The following RABGAP1 variants were observed in gnomAD, a reference collection of about 807,000 sequenced individuals.
The protein encoded by RABGAP1 is RAB GTPase activating protein 1, also known as rab GTPase-activating protein 1.
In RABGAP1, 23 loss-of-function variants were observed where a neutral mutation model predicts 137.6. The ratio of observed to expected loss-of-function variants is 0.17; its 90% CI spans 0.12 to 0.24. The LOEUF is 0.24. Ranked by LOEUF, RABGAP1 falls within the 10% of genes least tolerant of loss-of-function variation. The pLI is 1.00. For missense variants in RABGAP1, 906 were observed against 1,275.8 expected (o/e 0.71, Z 4.42); for synonymous variants, 451 against 450.7 (o/e 1.00, Z -0.01).
chr9:123,094,944 T>TAGAG (rs2035136048), intron 21 of RABGAP1, among the ~76,000 whole-genome samples: 2 of 152,200 alleles, frequency 1.3e-5, no homozygotes, highest in African/African-American at 4.8e-5. Flanking sequence ...ATAAGATATG[T>TAGAG]AGAGATGTTT....
intron 13 of RABGAP1, among the ~76,000 whole-genome samples, chr9:123,059,716 C>T (rs1338493403): frequency 2.0e-5 from 3 of 152,070 alleles, no homozygotes; most frequent in African/African-American, 7.2e-5. Context: ...CTGCCCTGCC[C>T]CATATGAGAA....
At chr9:123,097,679 T>C in intron 21 of RABGAP1, 62 bp from the exon 22 acceptor site, 1 of 1,363,906 alleles carries the variant, frequency 7.3e-7, no homozygotes, top group Admixed American at 2.1e-5. Context: ...TTATGCTAAG[T>C]AATGGAAATC....
At chr9:123,060,386 G>A (rs1193287176) in intron 13 of RABGAP1, among the ~76,000 whole-genome samples, 2 of 152,144 alleles carry the variant, frequency 1.3e-5, no homozygotes, top group Admixed American at 1.3e-4. Flanking sequence ...GTTGTTTCAT[G>A]TATTAGAGGT....
chr9:123,001,931 A>G (rs1442800744), intron 10 of RABGAP1, among the ~76,000 whole-genome samples: 1 of 152,220 alleles, frequency 6.6e-6, no homozygotes, highest in East Asian at 1.9e-4. Context: ...GATTATTTAG[A>G]TGGAGGGTGA....
intron 11 of RABGAP1, among the ~76,000 whole-genome samples, chr9:123,012,230 G>T (rs2030869421): frequency 6.6e-6 from 1 of 152,232 alleles, no homozygotes. Flanking sequence ...GGGAAAGGTG[G>T]ATTGTTCCCA....
Position 123,101,727 on chromosome 9 carries a change from C to G in RABGAP1, c.3051C>G (p.Thr1017=). 6.2e-7 allele frequency: 1 copy of G among 1,612,020 alleles called. No homozygotes were observed. The highest frequency in any genetic ancestry group is 1.1e-5 in the South Asian group (1 of 90,572). ...AAATGGAGCTAGAACTGGCACAGACCAAACTCCAGCTGGTGGAGGCCGAGT... is the reference window on the plus strand; with the variant it reads ...AAATGGAGCTAGAACTGGCACAGACGAAACTCCAGCTGGTGGAGGCCGAGT... ...LREMELELAQ[T]KLQLVEAECK... The change falls in exon 25 of 26, where the codon ACC becomes ACG. Residue 1017 remains threonine (T), a synonymous_variant. Coordinates refer to ENST00000373647, the MANE Select transcript of RABGAP1 (RefSeq NM_012197.4).
chr9:122,943,225 G>A (rs937529303), intron 1 of RABGAP1, among the ~76,000 whole-genome samples: 2 of 151,738 alleles, frequency 1.3e-5, no homozygotes, highest in Non-Finnish European at 2.9e-5. Flanking sequence ...GTGCCACCAC[G>A]CCTAGCTAAT....
chr9:122,970,983 C>T (rs1162693043), intron 2 of RABGAP1, among the ~76,000 whole-genome samples: 1 of 152,142 alleles, frequency 6.6e-6, no homozygotes, highest in Admixed American at 6.5e-5. Context: ...TATGGGCTGA[C>T]ATTTGGTCTG....
rs1216203882 is a variant in RABGAP1, at chr9:123,089,893, T to A, written c.2517+43T>A. The A allele has an allele frequency of 5.3e-6, 8 of 1,506,904 alleles. No homozygotes were observed. The South Asian group carries it at 9.2e-5, about 17-fold the overall frequency. The allele number at this position is 1,506,904 out of a possible 1,614,324, so 93.3% of individuals were successfully genotyped here. ...CTACGTGTGAGGAGCTCCCATGCTTTCATTTCATATGATTGCGCCTGTAAC... is the reference window on the plus strand; with the variant it reads ...CTACGTGTGAGGAGCTCCCATGCTTACATTTCATATGATTGCGCCTGTAAC... On this transcript the variant is annotated intron_variant, in intron 20 of 25. Coordinates refer to ENST00000373647, the MANE Select transcript of RABGAP1 (RefSeq NM_012197.4).
chr9:122,970,272 A>G (rs1835399349), intron 2 of RABGAP1, among the ~76,000 whole-genome samples: 1 of 152,152 alleles, frequency 6.6e-6, no homozygotes, highest in South Asian at 2.1e-4. Context: ...ACATAAACAT[A>G]AAAGTGGAAC....
chr9:123,022,813 A>G (rs780224830), intron 13 of RABGAP1, among the ~76,000 whole-genome samples: 1 of 152,146 alleles, frequency 6.6e-6, no homozygotes, highest in Non-Finnish European at 1.5e-5. Context: ...AATGTCAGTG[A>G]TAGCTAACGT....
chr9:123,001,866 C>G (rs1165836453), intron 10 of RABGAP1, among the ~76,000 whole-genome samples: 1 of 152,174 alleles, frequency 6.6e-6, no homozygotes, highest in Non-Finnish European at 1.5e-5. Flanking sequence ...TATACAACCT[C>G]TCTGGGACAC....
rs2035404555 is a variant in RABGAP1, at chr9:123,103,581, TAATATACATA to T, written c.*369_*378del. 1.3e-5 allele frequency: 1 copy of T among 78,664 alleles called. No homozygotes were observed. Among genetic ancestry groups the T allele is most frequent in the Non-Finnish European group, 2.5e-5 (1 of 40,056 alleles). The allele number at this position is 78,664 out of a possible 1,614,324, so 4.9% of individuals were successfully genotyped here. On this transcript the variant is annotated 3_prime_UTR_variant, in exon 26 of 26. Coordinates refer to ENST00000373647, the MANE Select transcript of RABGAP1 (RefSeq NM_012197.4). ...ATTTTTTTTCTAAACCTTTTTTTTTTAATATACATATATATATATATATATATATATATAT... is the reference window on the plus strand; with the variant it reads ...ATTTTTTTTCTAAACCTTTTTTTTTTTATATATATATATATATATATATAT...
chr9:123,015,711 C>A, intron 12 of RABGAP1, 75 bp downstream of exon 12: 3 of 1,024,058 alleles, frequency 2.9e-6, no homozygotes, highest in South Asian at 1.5e-5. Context: ...TAACTATAAT[C>A]AATTTTGGAA....
At chr9:123,048,550 C>T (rs952352494) in intron 13 of RABGAP1, among the ~76,000 whole-genome samples, 2 of 152,078 alleles carry the variant, frequency 1.3e-5, no homozygotes, top group Non-Finnish European at 2.9e-5. Flanking sequence ...CAATACAGTA[C>T]GTATTAAGCT....
intron 13 of RABGAP1, among the ~76,000 whole-genome samples, chr9:123,037,733 GTA>G (rs1434359175): frequency 1.3e-5 from 2 of 152,018 alleles, no homozygotes; most frequent in South Asian, 2.1e-4. Flanking sequence ...TGTTGTGTGT[GTA>G]TGTGTTGGGA....
intron 2 of RABGAP1, among the ~76,000 whole-genome samples, chr9:122,957,676 C>G (rs900177864): frequency 2.6e-5 from 4 of 151,780 alleles, no homozygotes; most frequent in African/African-American, 9.7e-5. Context: ...TTGTTCTACT[C>G]TTTATTGATA....
intron 23 of RABGAP1, 148 bp downstream of exon 23, chr9:123,098,946 C>T (rs1294321853): frequency 5.4e-6 from 3 of 553,390 alleles, no homozygotes; most frequent in Non-Finnish European, 9.7e-6. Context: ...AGTGGCTTCA[C>T]TTATTCTCAG....
chr9:122,993,123 G>A (rs948115948), intron 6 of RABGAP1, among the ~76,000 whole-genome samples: 10 of 151,916 alleles, frequency 6.6e-5, no homozygotes, highest in Non-Finnish European at 1.3e-4. Context: ...AAACATGTTG[G>A]TTTATGGATA....
Sources: allele counts gnomAD v4.1 joint callset (sites outside exome capture counted in the v4.1 genomes callset), GRCh38; gene constraint gnomAD v4.1.1; transcripts MANE v1.5; gene names NCBI Gene and HGNC (gene_info 2026-07-23, HGNC 2026-07-21).